The following PKD1L1 variants were observed in gnomAD, a reference collection of about 807,000 sequenced individuals.
PKD1L1 encodes polycystin 1 like 1, transient receptor potential channel interacting, also known as polycystin-1-like protein 1.
PKD1L1 carries 236 observed loss-of-function variants against 323.4 expected under a neutral mutation model. That is an observed-to-expected ratio of 0.73 (90% confidence interval 0.66 to 0.81). The LOEUF is 0.81. PKD1L1 is among the 40% of genes least tolerant of loss of function. The pLI, the probability that PKD1L1 is intolerant of heterozygous loss-of-function variation, is 0.00. For missense variants in PKD1L1, 3,320 were observed against 3,508.0 expected (o/e 0.95, Z 1.35); for synonymous variants, 1,344 against 1,335.0 (o/e 1.01, Z -0.15).
chr7:47,876,598 G>T (rs1786408265), intron 22 of PKD1L1, among the ~76,000 whole-genome samples: 1 of 152,048 alleles, frequency 6.6e-6, no homozygotes, highest in Non-Finnish European at 1.5e-5. Context: ...GAGGGGTCGG[G>T]GTGCCTCAAG....
At position 47,855,001 on chromosome 7, in the gene PKD1L1, C is replaced by A. The variant is rs764802423; in HGVS notation, c.4740G>T (p.Arg1580=). 2 of 1,613,798 alleles carry A rather than the reference C, an allele frequency of 1.2e-6. No individual in the cohort carries two copies. The highest frequency in any genetic ancestry group is 1.7e-6 in the Non-Finnish European group (2 of 1,179,952). The part of the protein sequence containing the change: ...RRNKTTFVLL[R]DKVNLHQFTE... ...TGAACTGATGGAGATTCACTTTATCCCGAAGTAATACAAATGTCGTTTTAT... is the reference window on the plus strand; with the variant it reads ...TGAACTGATGGAGATTCACTTTATCACGAAGTAATACAAATGTCGTTTTAT... The change falls in exon 30 of 57, where the codon CGG becomes CGT. Residue 1580 remains arginine, a synonymous_variant. Coordinates refer to ENST00000289672, the MANE Select transcript of PKD1L1 (RefSeq NM_138295.5).
chr7:47,801,917 C>T (rs1784670700), intron 53 of PKD1L1, among the ~76,000 whole-genome samples: 1 of 151,980 alleles, frequency 6.6e-6, no homozygotes, highest in Non-Finnish European at 1.5e-5. Context: ...TTTGGCTGGG[C>T]GTGGTGGCTC....
In PKD1L1 at chr7:47,846,948, T is replaced by A; in HGVS notation, c.5084A>T (p.Asp1695Val). 6.2e-7 allele frequency: 1 copy of A among 1,614,014 alleles called. No homozygotes were observed. The highest frequency in any genetic ancestry group is 8.5e-7 in the Non-Finnish European group (1 of 1,179,948). ...HFQWIRCLFW[D>V]KREWKSERFS... ...ACGTTCAGATTTCCACTCTCTCTTG[T>A]CCCAAAACAGGCATCGGATCCACTG... Residue 1695 changes from aspartate (D) to valine (V), a missense_variant, in exon 32 of 57, where the codon GAC (aspartate) becomes GTC (valine). By Grantham distance (152) the Asp-to-Val change is radical. Transcript: ENST00000289672.
In PKD1L1 at chr7:47,796,007, A is replaced by G. The variant is rs754692483; in HGVS notation, c.8337T>C (p.Ala2779=). ...LRLETPKLEE[A]EMVENHNYYL... ...AGCTTACGTGATTCTCAACCATCTC[A>G]GCCTCTTCCAACTTTGGTGTTTCCA... Residue 2779 remains alanine (A), a synonymous_variant, in exon 55 of 57, where the codon GCT becomes GCC. Coordinates refer to ENST00000289672, the MANE Select transcript of PKD1L1 (RefSeq NM_138295.5). 21 of 1,613,276 alleles carry G rather than the reference A, an allele frequency of 1.3e-5. No homozygotes were observed. Among genetic ancestry groups the G allele is most frequent in the Non-Finnish European group, 1.7e-5 (20 of 1,179,758 alleles).
chr7:47,857,904 A>G (rs2128742329), intron 27 of PKD1L1, 72 bp from the exon 28 acceptor site: 1 of 1,428,818 alleles, frequency 7.0e-7, no homozygotes. Context: ...CCAGACTAGG[A>G]GAGAGGGGAA....
intron 49 of PKD1L1, among the ~76,000 whole-genome samples, chr7:47,812,681 C>G (rs1042021548): frequency 6.6e-6 from 1 of 152,116 alleles, no homozygotes; most frequent in Admixed American, 6.5e-5. Context: ...GGCGGCCTGA[C>G]CTCAGACCTA....
chr7:47,905,155 A>C lies in PKD1L1; in HGVS notation c.1691+2T>G, dbSNP rs1453356354. ...CTCAGCAGGACTGCTACTTTTACTG[A>C]CCATTGGGGGATGCTGAGTCTTTTT... On this transcript the variant is annotated splice_donor_variant, in intron 11 of 56. Coordinates refer to ENST00000289672, the MANE Select transcript of PKD1L1 (RefSeq NM_138295.5). LOFTEE classifies it high-confidence loss of function. 1.2e-6 allele frequency: 2 copies of C among 1,612,992 alleles called. No individual in the cohort carries two copies. The highest frequency in any genetic ancestry group is 1.7e-6 in the Non-Finnish European group (2 of 1,179,544).
At chr7:47,848,207 C>A (rs935638982) in intron 31 of PKD1L1, among the ~76,000 whole-genome samples, 10 of 152,080 alleles carry the variant, frequency 6.6e-5, no homozygotes, top group African/African-American at 2.2e-4. Flanking sequence ...CAGGAACAGC[C>A]TATCTAGGAA....
chr7:47,915,963 T>G (rs976566102), intron 7 of PKD1L1, among the ~76,000 whole-genome samples: 1 of 152,224 alleles, frequency 6.6e-6, no homozygotes, highest in African/African-American at 2.4e-5. Context: ...ATCACTGAGC[T>G]ACTCCAACGG....
At chr7:47,921,238 C>CAAAAAAAAAAAAAAAAAAAAAAAAA (rs139205889) in intron 7 of PKD1L1, among the ~76,000 whole-genome samples, 2 of 79,590 alleles carry the variant, frequency 2.5e-5, no homozygotes, top group Non-Finnish European at 4.7e-5. Flanking sequence ...AGACAATTCT[C>CAAAAAAAAAAAAAAAAAAAAAAAAA]AAAAAAAAAA....
intron 8 of PKD1L1, among the ~76,000 whole-genome samples, chr7:47,910,838 G>GTGTGTGTGTGTA (rs1787307360): frequency 1.3e-5 from 2 of 150,016 alleles, no homozygotes; most frequent in East Asian, 3.9e-4. Flanking sequence ...GTGTGTGTGT[G>GTGTGTGTGTGTA]TGTGTGTGTG....
chr7:47,819,653 A>C (rs1785099218), intron 46 of PKD1L1: 1 of 1,146,306 alleles, frequency 8.7e-7, no homozygotes, highest in Non-Finnish European at 1.2e-6. Flanking sequence ...GAAAAAAAAA[A>C]ACAAAACAAC....
chr7:47,883,193 T>C (rs1786603223), intron 19 of PKD1L1, among the ~76,000 whole-genome samples: 1 of 152,230 alleles, frequency 6.6e-6, no homozygotes, highest in South Asian at 2.1e-4. Flanking sequence ...GATGTTTTGA[T>C]ATACTGAAGA....
chr7:47,834,047 T>C (rs1448713223), intron 40 of PKD1L1, among the ~76,000 whole-genome samples: 1 of 152,088 alleles, frequency 6.6e-6, no homozygotes, highest in African/African-American at 2.4e-5. Flanking sequence ...CTTTCTGAAT[T>C]CTTCTGGGCT....
intron 56 of PKD1L1, among the ~76,000 whole-genome samples, chr7:47,791,937 T>C (rs6979746): frequency 0.27 from 40,697 of 152,074 alleles, 5,840 homozygotes; most frequent in Middle Eastern, 0.33. Context: ...GGTGTGTCTA[T>C]TGGTGTTGAT....
intron 7 of PKD1L1, among the ~76,000 whole-genome samples, chr7:47,916,672 A>G (rs1042922178): frequency 2.6e-5 from 4 of 152,216 alleles, no homozygotes; most frequent in Admixed American, 1.3e-4. Flanking sequence ...GACAACCCCC[A>G]GTACCAGCCT....
rs201564528 is a variant in PKD1L1, at chr7:47,846,918, G to A, written c.5114C>T (p.Ser1705Phe). Residue 1705 changes from serine (S) to phenylalanine (F), a missense_variant, in exon 32 of 57, where the codon TCT becomes TTT. Transcript: ENST00000289672. ...TTCAGGAGAAGTCCCTGGTTGTGGA[G>A]AGAAACGTTCAGATTTCCACTCTCT... Reference protein sequence around the residue: ...DKREWKSERFSPQPGTSPEKV... With the variant: ...DKREWKSERFFPQPGTSPEKV... The A allele has an allele frequency of 3.7e-6, 6 of 1,613,100 alleles. No individual in the cohort carries two copies. The highest frequency in any genetic ancestry group is 1.6e-4 in the Middle Eastern group (1 of 6,080).
chr7:47,889,998 G>C (rs756935167), intron 16 of PKD1L1, among the ~76,000 whole-genome samples: 2 of 152,176 alleles, frequency 1.3e-5, no homozygotes, highest in African/African-American at 4.8e-5. Context: ...TTTGGTGTCC[G>C]GGGGCTGCAC....
At chr7:47,943,156 AAAAAAAAATAT>A (rs1185815877) in intron 2 of PKD1L1, among the ~76,000 whole-genome samples, 5 of 62,042 alleles carry the variant, frequency 8.1e-5, no homozygotes, top group African/African-American at 2.7e-4. Flanking sequence ...AAAAAAAAAA[AAAAAAAAATAT>A]ATATATATAT....
Sources: gnomAD v4.1 joint callset for allele counts (sites outside exome capture counted in the v4.1 genomes callset) on GRCh38, gnomAD v4.1.1 for gene constraint, MANE v1.5 for transcripts, NCBI Gene and HGNC (gene_info 2026-07-23, HGNC 2026-07-21) for gene names.